The following POMZP3 variants were observed in gnomAD, a reference collection of about 807,000 sequenced individuals.
POMZP3 encodes the protein POM121 and ZP3 fusion.
In POMZP3, 10 loss-of-function variants were observed where a neutral mutation model predicts 19.8. That is an observed-to-expected ratio of 0.51 (90% confidence interval 0.31 to 0.86). The LOEUF is 0.86. Ranked by LOEUF, POMZP3 falls within the 40% of genes least tolerant of loss-of-function variation. POMZP3 has a pLI of 0.04. For missense variants in POMZP3, 152 were observed against 228.1 expected (o/e 0.67, Z 2.15); for synonymous variants, 57 against 85.8 (o/e 0.66, Z 1.85).
At chr7:76,616,091 T>C (rs1815274426) in intron 4 of POMZP3, among the ~76,000 whole-genome samples, 1 of 122,068 alleles carries the variant, frequency 8.2e-6, no homozygotes, top group Non-Finnish European at 1.8e-5. Context: ...AAGACCAGCC[T>C]GGCCAAAATG....
Position 76,625,536 on chromosome 7 carries a change from C to T in POMZP3, c.213G>A (p.Gln71=). ...GAGCCTGTTACCTTCTTTTATTTTCCTGGCCATCAAGGAATATTTGGTCTT... is the reference window on the plus strand; with the variant it reads ...GAGCCTGTTACCTTCTTTTATTTTCTTGGCCATCAAGGAATATTTGGTCTT... ...EEEDQIFLDG[Q]ENKRSCLVDG... The change falls in exon 3 of 7, where the codon CAG becomes CAA. Residue 71 remains glutamine (Q), a synonymous_variant. Coordinates refer to ENST00000310842, the MANE Select transcript of POMZP3 (RefSeq NM_012230.5). The T allele has an allele frequency of 2.5e-6, 4 of 1,613,370 alleles. No individual in the cohort carries two copies. Among genetic ancestry groups the T allele is most frequent in the Non-Finnish European group, 3.4e-6 (4 of 1,179,620 alleles).
intron 4 of POMZP3, among the ~76,000 whole-genome samples, chr7:76,617,585 C>G (rs1438650757): frequency 1.1e-5 from 1 of 87,918 alleles, no homozygotes; most frequent in Non-Finnish European, 2.2e-5. Context: ...TTCAGAATCA[C>G]TAGCCTAACC....
intron 3 of POMZP3, 25 bp downstream of exon 3, chr7:76,625,497 C>G (rs762147486): frequency 6.8e-6 from 11 of 1,610,364 alleles, no homozygotes. Flanking sequence ...GGGAAACTGG[C>G]TTAGTACTCT....
intron 4 of POMZP3, among the ~76,000 whole-genome samples, chr7:76,616,666 C>A (rs62475924): frequency 1.1e-5 from 1 of 91,978 alleles, no homozygotes; most frequent in Non-Finnish European, 2.4e-5. Context: ...ACCAGCCTGG[C>A]CAACATGGTG....
In POMZP3 at chr7:76,625,613, T is replaced by C; in HGVS notation, c.136A>G (p.Thr46Ala). 6.2e-7 allele frequency: 1 copy of C among 1,613,746 alleles called. No individual in the cohort carries two copies. The highest frequency in any genetic ancestry group is 2.2e-5 in the East Asian group (1 of 44,856). The change falls in exon 3 of 7, where the codon ACT becomes GCT. Residue 46 changes from threonine to alanine, a missense_variant. By Grantham distance (58) the Thr-to-Ala change is moderately conservative (BLOSUM62 0). Around this residue, in one of 4 missense-constraint regions of POMZP3, gnomAD observed 70 missense variants for 64.1 expected, o/e 1.09. Transcript: ENST00000310842. ...SNAPDPCAKE[T>A]VLSALKEKKK... ...TTCTCTTTGAGGGCACTCAGTACAGTCTCCTTTGCACATGGGTCTGGGGCA... is the reference window on the plus strand; with the variant it reads ...TTCTCTTTGAGGGCACTCAGTACAGCCTCCTTTGCACATGGGTCTGGGGCA...
intron 3 of POMZP3, among the ~76,000 whole-genome samples, chr7:76,624,492 C>G (rs1373904762): frequency 6.6e-6 from 1 of 151,634 alleles, no homozygotes; most frequent in African/African-American, 2.4e-5. Context: ...GTCACCCAGG[C>G]TAGCATGCAC....
intron 3 of POMZP3, among the ~76,000 whole-genome samples, chr7:76,625,064 C>G (rs1387982037): frequency 1.4e-5 from 2 of 140,906 alleles, no homozygotes; most frequent in Non-Finnish European, 1.5e-5. Flanking sequence ...ACCTGGGAGG[C>G]TGAGCTTGCA....
Position 76,627,244 on chromosome 7 carries a change from C to G in POMZP3, c.-688G>C, listed in dbSNP as rs544272755. 5,760 of 1,391,950 alleles carry G rather than the reference C, an allele frequency of 4.1e-3. 511 individuals are homozygous for G. Among genetic ancestry groups the G allele is most frequent in the Non-Finnish European group, 4.9e-3 (5,183 of 1,067,716 alleles). 86.2% of individuals were successfully genotyped at this position (1,391,950 alleles called of 1,614,324 possible). A position where few individuals can be genotyped will look rare whatever the true frequency, so the allele number is the denominator to read the frequency against. ...CGCCTGCTCCAGCCGCCGCAGCCGCCGGAGACATCGCGGCTCCGCGCCGCG... is the reference window on the plus strand; with the variant it reads ...CGCCTGCTCCAGCCGCCGCAGCCGCGGGAGACATCGCGGCTCCGCGCCGCG... On this transcript the variant is annotated 5_prime_UTR_variant, in exon 1 of 7. Coordinates refer to ENST00000310842, the MANE Select transcript of POMZP3 (RefSeq NM_012230.5).
rs1174383601 is a variant in POMZP3, at chr7:76,626,073, T to A, written c.-9A>T. On this transcript the variant is annotated 5_prime_UTR_variant, in exon 2 of 7. Coordinates refer to ENST00000310842, the MANE Select transcript of POMZP3 (RefSeq NM_012230.5). ...ACTGGGCTACACACCATCCTGGAGTTGCGAGGGGACAGCACAGCCTTCTTG... is the reference window on the plus strand; with the variant it reads ...ACTGGGCTACACACCATCCTGGAGTAGCGAGGGGACAGCACAGCCTTCTTG... 3.5e-5 allele frequency: 57 copies of A among 1,613,682 alleles called. No individual in the cohort carries two copies. Among genetic ancestry groups the A allele is most frequent in the Non-Finnish European group, 4.5e-5 (53 of 1,179,752 alleles).
At position 76,625,508 on chromosome 7, in the gene POMZP3, C is replaced by G. The variant is rs1361348462; in HGVS notation, c.227+14G>C. ...AAGCGGGAAACTGGCTTAGTACTCTCCTGAGCCTGTTACCTTCTTTTATTT... is the reference window on the plus strand; with the variant it reads ...AAGCGGGAAACTGGCTTAGTACTCTGCTGAGCCTGTTACCTTCTTTTATTT... On this transcript the variant is annotated intron_variant, in intron 3 of 6. Coordinates refer to ENST00000310842, the MANE Select transcript of POMZP3 (RefSeq NM_012230.5). 2 of 1,612,364 alleles carry G rather than the reference C, an allele frequency of 1.2e-6. No homozygotes were observed. Among genetic ancestry groups the G allele is most frequent in the Non-Finnish European group, 1.7e-6 (2 of 1,178,644 alleles).
chr7:76,618,487 C>A (rs1442897422), intron 3 of POMZP3, 187 bp from the exon 4 acceptor site: 2 of 807,964 alleles, frequency 2.5e-6, no homozygotes, highest in South Asian at 1.7e-5. Context: ...CTGGGTGCAG[C>A]AGTGCACACC....
intron 3 of POMZP3, among the ~76,000 whole-genome samples, chr7:76,624,246 G>C (rs1187523046): frequency 7.0e-6 from 1 of 143,162 alleles, no homozygotes; most frequent in Non-Finnish European, 1.5e-5. Context: ...AAATTAGAAG[G>C]GGATTATTTA....
At chr7:76,621,956 T>G (rs1815587871) in intron 3 of POMZP3, among the ~76,000 whole-genome samples, 1 of 104,230 alleles carries the variant, frequency 9.6e-6, no homozygotes, top group Non-Finnish European at 2.1e-5. Context: ...AATAAATAAA[T>G]AAATAAATAA....
Position 76,625,599 on chromosome 7 carries a change from G to A in POMZP3, c.150C>T (p.Ala50=), listed in dbSNP as rs1471015992. ...DPCAKETVLS[A]LKEKKKKRTV... The stretch of plus-strand genomic sequence containing the variant: ...TCCTTTTCTTCTTCTTCTCTTTGAG[G>A]GCACTCAGTACAGTCTCCTTTGCAC... The change falls in exon 3 of 7, where the codon GCC becomes GCT. Residue 50 remains alanine, a synonymous_variant. Transcript: ENST00000310842. The A allele has an allele frequency of 1.2e-6, 2 of 1,613,578 alleles. No individual in the cohort carries two copies. The highest frequency in any genetic ancestry group is 1.7e-5 in the Admixed American group (1 of 59,982).
chr7:76,627,175 G>C lies in POMZP3; in HGVS notation c.-619C>G, dbSNP rs1212373169. 4 of 1,441,502 alleles carry C rather than the reference G, an allele frequency of 2.8e-6. No homozygotes were observed. The highest frequency in any genetic ancestry group is 2.8e-6 in the Non-Finnish European group (3 of 1,085,888). The allele number at this position is 1,441,502 out of a possible 1,614,324, so 89.3% of individuals were successfully genotyped here. A position where few individuals can be genotyped will look rare whatever the true frequency, so the allele number is the denominator to read the frequency against. ...GCCGACCAGCGACAGGCCGAGAAGCGCCGCCCCGGCCGGCCCTGACACTCG... is the reference window on the plus strand; with the variant it reads ...GCCGACCAGCGACAGGCCGAGAAGCCCCGCCCCGGCCGGCCCTGACACTCG... On this transcript the variant is annotated 5_prime_UTR_variant, in exon 1 of 7. Coordinates refer to ENST00000310842, the MANE Select transcript of POMZP3 (RefSeq NM_012230.5).
intron 1 of POMZP3, 72 bp from the exon 2 acceptor site, chr7:76,626,287 C>G (rs1815893539): frequency 7.4e-7 from 1 of 1,357,782 alleles, no homozygotes; most frequent in Non-Finnish European, 1.0e-6. Context: ...GGTTAAAAAC[C>G]CACCAGTTAA....
intron 3 of POMZP3, among the ~76,000 whole-genome samples, chr7:76,619,445 T>G (rs1815427050): frequency 6.6e-6 from 1 of 150,866 alleles, no homozygotes; most frequent in African/African-American, 2.5e-5. Flanking sequence ...GTATCCCCAC[T>G]CCCCACAACA....
rs1815868472 is a variant in POMZP3 at position 76,626,031 on chromosome 7, G to A, written c.34C>T (p.Pro12Ser). 5 of 1,613,680 alleles carry A rather than the reference G, an allele frequency of 3.1e-6. No individual in the cohort carries two copies. Among genetic ancestry groups the A allele is most frequent in the Admixed American group, 1.7e-5 (1 of 59,992 alleles). ...VCSPVTLRIA[P>S]PDRRFSRSAI... ...GAACGCGAAAATCTTCTGTCAGGAG[G>A]GGCGATCCTCAGAGTCACTGGGCTA... Residue 12 changes from proline (P) to serine (S), a missense_variant, in exon 2 of 7, where the codon CCT becomes TCT. By Grantham distance (74) the Pro-to-Ser change is moderately conservative. Coordinates refer to ENST00000310842, the MANE Select transcript of POMZP3 (RefSeq NM_012230.5).
At chr7:76,619,483 G>T (rs893768348) in intron 3 of POMZP3, among the ~76,000 whole-genome samples, 17 of 151,210 alleles carry the variant, frequency 1.1e-4, no homozygotes, top group Non-Finnish European at 2.2e-4. Context: ...TGCCACTTGC[G>T]TTCTTGCATA....
Sources: gnomAD v4.1 joint callset for allele counts (sites outside exome capture counted in the v4.1 genomes callset) on GRCh38, gnomAD v4.1.1 for gene constraint, gnomAD v4.1.1 regional missense constraint, MANE v1.5 for transcripts, NCBI Gene and HGNC (gene_info 2026-07-23, HGNC 2026-07-21) for gene names.